The following DAB1 variants were observed in gnomAD, a reference collection of about 807,000 sequenced individuals.
DAB1 encodes the protein DAB adaptor protein 1, also known as disabled homolog 1.
DAB1 carries 15 observed loss-of-function variants against 64.6 expected under a neutral mutation model. The observed-to-expected ratio is 0.23, with a 90% CI of 0.16 to 0.36. DAB1 has a LOEUF of 0.36. DAB1 is among the 10% of genes least tolerant of loss of function. The probability of loss-of-function intolerance (pLI) is 1.00; values close to 1 mark genes in which losing one functional copy is unlikely to be tolerated. For synonymous variants in DAB1, 235 were observed against 251.9 expected (o/e 0.93, Z 0.64); for missense variants, 596 against 706.7 (o/e 0.84, Z 1.78).
intron 4 of DAB1, among the ~76,000 whole-genome samples, chr1:58,228,070 G>A (rs983550030): frequency 2.6e-5 from 4 of 152,256 alleles, no homozygotes; most frequent in African/African-American, 9.6e-5. Flanking sequence ...CCATTATCTG[G>A]GAGTCAGTGA....
chr1:57,863,981 C>G (rs1379947647), intron 1 of DAB1, among the ~76,000 whole-genome samples: 1 of 152,160 alleles, frequency 6.6e-6, no homozygotes, highest in Non-Finnish European at 1.5e-5. Flanking sequence ...AAAATCCCTG[C>G]TGTCAAAGTG....
Position 57,453,051 on chromosome 1 carries a change from CTG to C in DAB1, n.626-161887_626-161886del, listed in dbSNP as rs371645928. ...GAAGGAAGAATATTGTAGAAGTAAA[CTG>C]GTAAAATTTAGGAGCTGATTACATG... On this transcript the variant is annotated intron_variant and non_coding_transcript_variant, in intron 7 of 20. Transcript: ENST00000485760. 2.8e-4 allele frequency among the ~76,000 whole-genome samples: 43 copies of C among 151,864 alleles called. 1 individual carries two copies. The highest frequency in any genetic ancestry group is 1.0e-3 in the African/African-American group (43 of 41,444).
At chr1:57,320,394 TCATGTA>T (rs1675606142) in intron 1 of DAB1, among the ~76,000 whole-genome samples, 1 of 152,176 alleles carries the variant, frequency 6.6e-6, no homozygotes. Flanking sequence ...ACTAATAGCC[TCATGTA>T]CATCTACAAG....
chr1:58,429,962 C>T (rs1460975634), intron 3 of DAB1, among the ~76,000 whole-genome samples: 26 of 152,200 alleles, frequency 1.7e-4, no homozygotes, highest in Admixed American at 1.6e-3. Flanking sequence ...CCCCACAGGG[C>T]ATCCCCCAGG....
intron 1 of DAB1, chr1:57,874,985 G>C (rs946488187): frequency 1.3e-5 from 2 of 152,146 alleles, no homozygotes; most frequent in Non-Finnish European, 2.9e-5. Context: ...GGTGAACCCG[G>C]CTTTGAAACT....
At chr1:57,747,987 T>A (rs1648367847) in intron 6 of DAB1, among the ~76,000 whole-genome samples, 1 of 152,044 alleles carries the variant, frequency 6.6e-6, no homozygotes, top group Admixed American at 6.5e-5. Flanking sequence ...TGGTAAAGCA[T>A]GGTCTAGAGT....
chr1:57,844,371 T>G (rs1277323597), intron 1 of DAB1, among the ~76,000 whole-genome samples: 1 of 152,222 alleles, frequency 6.6e-6, no homozygotes, highest in East Asian at 1.9e-4. Context: ...AATATGAATC[T>G]TATCCAGAAG....
At chr1:57,478,586 C>CTTTTTTTTTTT (rs35538831) in intron 7 of DAB1, among the ~76,000 whole-genome samples, 1 of 81,216 alleles carries the variant, frequency 1.2e-5, no homozygotes, top group Non-Finnish European at 2.3e-5. Flanking sequence ...TATTCCCATT[C>CTTTTTTTTTTT]TTTTTTTTTT....
intron 4 of DAB1, among the ~76,000 whole-genome samples, chr1:58,219,835 T>C (rs1659064873): frequency 6.6e-6 from 1 of 152,262 alleles, no homozygotes; most frequent in East Asian, 1.9e-4. Context: ...ATCAGGTTTT[T>C]AATAACTGTC....
intron 3 of DAB1, among the ~76,000 whole-genome samples, chr1:58,353,581 T>G (rs1644079770): frequency 6.6e-6 from 1 of 152,124 alleles, no homozygotes; most frequent in Non-Finnish European, 1.5e-5. Context: ...AAAACAGAAG[T>G]CAAGGTCTTT....
intron 2 of DAB1, among the ~76,000 whole-genome samples, chr1:57,228,606 A>G (rs897770275): frequency 2.0e-5 from 3 of 152,232 alleles, no homozygotes; most frequent in Admixed American, 2.0e-4. Context: ...CATGGAGCGT[A>G]GGAAACACTC....
chr1:57,706,481 C>A (rs1197776233), intron 6 of DAB1, among the ~76,000 whole-genome samples: 1 of 151,934 alleles, frequency 6.6e-6, no homozygotes, highest in Non-Finnish European at 1.5e-5. Context: ...CCACACTCAG[C>A]TAATTTTTGT....
intron 3 of DAB1, among the ~76,000 whole-genome samples, chr1:58,390,629 A>T (rs1569719614): frequency 6.6e-6 from 1 of 152,230 alleles, no homozygotes; most frequent in Non-Finnish European, 1.5e-5. Context: ...GTGAAACAAA[A>T]ATAAAAAAGC....
At chr1:57,883,876 C>T (rs1156708788) in intron 1 of DAB1, 1 of 152,140 alleles carries the variant, frequency 6.6e-6, no homozygotes, top group Non-Finnish European at 1.5e-5. Flanking sequence ...GAGGCAGTTC[C>T]AGAAAGGAAG....
rs78215728 is a variant in DAB1, at chr1:57,076,811, A to C, written c.307-4397T>G. On this transcript the variant is annotated intron_variant, in intron 4 of 14. Transcript: ENST00000371236. ...CCATCCCTAGATCTCACTGCATTAT[A>C]TTTGTCCTTCTACACAGGATGCTTT... Among the ~76,000 whole-genome samples the C allele has an allele frequency of 8.4e-3, 1,283 of 152,248 alleles. 18 individuals carry two copies. The highest frequency in any genetic ancestry group is 0.029 in the African/African-American group (1,224 of 41,542).
chr1:58,460,183 C>CAT lies in DAB1; in HGVS notation n.257+45875_257+45876dup, dbSNP rs545304398. On this transcript the variant is annotated intron_variant and non_coding_transcript_variant, in intron 3 of 20. Coordinates refer to the DAB1 transcript ENST00000485760. ...CAAGAGTTGAAGCACAAAGTCTAGG[C>CAT]ATATATATATACCATTTTACTATCC... Among the ~76,000 whole-genome samples the CAT allele has an allele frequency of 3.0e-4, 45 of 151,904 alleles. No individual in the cohort carries two copies. In the East Asian group the frequency reaches 6.6e-3, roughly 22 times the overall value.
intron 6 of DAB1, among the ~76,000 whole-genome samples, chr1:57,713,980 C>G (rs1307321065): frequency 1.3e-5 from 2 of 152,044 alleles, no homozygotes; most frequent in African/African-American, 2.4e-5. Flanking sequence ...TCCTAAGCAC[C>G]TGTTATATGT....
chr1:57,482,446 T>A (rs1404419405), intron 7 of DAB1, among the ~76,000 whole-genome samples: 1 of 50,366 alleles, frequency 2.0e-5, no homozygotes, highest in African/African-American at 8.5e-5. Flanking sequence ...CAGCTAAAAA[T>A]AATTGACCCC....
intron 4 of DAB1, among the ~76,000 whole-genome samples, chr1:58,171,864 C>G (rs998020989): frequency 6.6e-6 from 1 of 152,238 alleles, no homozygotes; most frequent in African/African-American, 2.4e-5. Flanking sequence ...GGGTACAAGG[C>G]ATCTAGGTTG....
Sources: allele counts gnomAD v4.1 joint callset (sites outside exome capture counted in the v4.1 genomes callset), GRCh38; gene constraint gnomAD v4.1.1; transcripts MANE v1.5; gene names NCBI Gene and HGNC (gene_info 2026-07-23, HGNC 2026-07-21).